Variants in PTPN4 observed in about 807,000 individuals in gnomAD.
The protein encoded by PTPN4 is protein tyrosine phosphatase non-receptor type 4, also known as tyrosine-protein phosphatase non-receptor type 4.
A neutral mutation model predicts 135.5 loss-of-function variants in PTPN4; 49 were observed. The observed-to-expected ratio is 0.36, with a 90% CI of 0.29 to 0.46. The LOEUF is 0.46. Among genes scored for constraint, PTPN4 ranks in the 20% least tolerant of loss-of-function variants. The pLI is 1.00. For synonymous variants in PTPN4, 333 were observed against 369.9 expected, an observed-to-expected ratio of 0.90 and a Z score of 1.14; for missense variants, 860 against 1,101.0, an observed-to-expected ratio of 0.78 and a Z score of 3.10.
At chr2:119,914,840 A>G (rs575413744) in intron 10 of PTPN4, among the ~76,000 whole-genome samples, 6 of 152,272 alleles carry the variant, frequency 3.9e-5, no homozygotes, top group Admixed American at 6.5e-5. Flanking sequence ...AAGTGTTTTT[A>G]GGGTTGTTGC....
intron 22 of PTPN4, among the ~76,000 whole-genome samples, chr2:119,957,952 G>GT (rs1195884362): frequency 6.6e-6 from 1 of 151,968 alleles, no homozygotes; most frequent in African/African-American, 2.4e-5. Context: ...TCAAGGGGAG[G>GT]TTTTTTAAGC....
chr2:119,820,290 G>C (rs1053551658), intron 2 of PTPN4, among the ~76,000 whole-genome samples: 4 of 152,194 alleles, frequency 2.6e-5, no homozygotes, highest in Admixed American at 2.6e-4. Context: ...ATGTCCATCT[G>C]TGATAGATGT....
chr2:119,877,645 C>T, intron 5 of PTPN4, 103 bp downstream of exon 5: 3 of 1,372,288 alleles, frequency 2.2e-6, no homozygotes, highest in Non-Finnish European at 2.9e-6. Context: ...TAATTCTGAG[C>T]TTTCCAGTCA....
chr2:119,980,392 A>G lies in PTPN4; in HGVS notation c.*3322A>G, dbSNP rs1036878134. 3 of 152,082 alleles carry G rather than the reference A, an allele frequency of 2.0e-5. No homozygotes were observed. The highest frequency in any genetic ancestry group is 4.4e-5 in the Non-Finnish European group (3 of 67,948). 9.4% of individuals were successfully genotyped at this position (152,082 alleles called of 1,614,324 possible). ...TTTAAGGAAAAGTCTCCTGTCTTCTATCTCCACTAGAAGTACTGCAGCTTG... is the reference window on the plus strand; with the variant it reads ...TTTAAGGAAAAGTCTCCTGTCTTCTGTCTCCACTAGAAGTACTGCAGCTTG... On this transcript the variant is annotated 3_prime_UTR_variant, in exon 27 of 27. Coordinates refer to ENST00000263708, the MANE Select transcript of PTPN4 (RefSeq NM_002830.4).
Position 119,877,372 on chromosome 2 carries a change from A to C in PTPN4, c.289+7A>C. On this transcript the variant is annotated splice_region_variant and intron_variant, in intron 4 of 26. Coordinates refer to ENST00000263708, the MANE Select transcript of PTPN4 (RefSeq NM_002830.4). The stretch of plus-strand genomic sequence containing the variant: ...ATAAGGAAGCAGCTAAAGAGTGAGC[A>C]TACATATTTACTTAATGTTTTGCAA... 2 of 1,612,112 alleles carry C rather than the reference A, an allele frequency of 1.2e-6. No individual in the cohort carries two copies. Among genetic ancestry groups the C allele is most frequent in the Non-Finnish European group, 1.7e-6 (2 of 1,179,372 alleles).
chr2:119,820,142 T>A (rs144774724), intron 2 of PTPN4, among the ~76,000 whole-genome samples: 1,819 of 152,332 alleles, frequency 0.012, 23 homozygotes, highest in Non-Finnish European at 0.02. Flanking sequence ...ATTATAGGCA[T>A]GAGCCGCGGT....
intron 12 of PTPN4, among the ~76,000 whole-genome samples, 184 bp from the exon 13 acceptor site, chr2:119,926,414 G>GT (rs1678825676): frequency 6.6e-6 from 1 of 152,176 alleles, no homozygotes; most frequent in Non-Finnish European, 1.5e-5. Flanking sequence ...TGGGAGAAAT[G>GT]TAACTAAGCT....
At chr2:119,857,763 A>C (rs749585480) in intron 2 of PTPN4, among the ~76,000 whole-genome samples, 1 of 152,106 alleles carries the variant, frequency 6.6e-6, no homozygotes, top group African/African-American at 2.4e-5. Context: ...TTCTGTTGAC[A>C]TAGAATTCTG....
intron 22 of PTPN4, 99 bp from the exon 23 acceptor site, chr2:119,960,708 A>G: frequency 1.8e-6 from 2 of 1,111,322 alleles, no homozygotes; most frequent in Non-Finnish European, 2.5e-6. Context: ...TATTGAGGTT[A>G]GTTGTATTCA....
At chr2:119,831,868 C>G (rs1238653580) in intron 2 of PTPN4, among the ~76,000 whole-genome samples, 2 of 152,178 alleles carry the variant, frequency 1.3e-5, no homozygotes, top group African/African-American at 4.8e-5. Flanking sequence ...CTGCAAGTAA[C>G]CTGTTGGCAT....
At chr2:119,769,927 C>G (rs980441755) in intron 1 of PTPN4, among the ~76,000 whole-genome samples, 1 of 152,122 alleles carries the variant, frequency 6.6e-6, no homozygotes, top group Non-Finnish European at 1.5e-5. Context: ...AAATTTGTAT[C>G]TTGTGTTTTT....
rs145430118 is a variant in PTPN4, at chr2:119,949,350, C to T, written c.1657-2623C>T. Among the ~76,000 whole-genome samples the T allele has an allele frequency of 5.9e-5, 9 of 152,126 alleles. No homozygotes were observed. In the East Asian group the frequency reaches 7.7e-4, roughly 13 times the overall value. ...AATTGGAAACCACAGTTTAGGCAATCGGGGGAAAAGGAAAAGGTTTCTGTT... is the reference window on the plus strand; with the variant it reads ...AATTGGAAACCACAGTTTAGGCAATTGGGGGAAAAGGAAAAGGTTTCTGTT... On this transcript the variant is annotated intron_variant, in intron 18 of 26. Coordinates refer to ENST00000263708, the MANE Select transcript of PTPN4 (RefSeq NM_002830.4).
chr2:119,956,209 C>T lies in PTPN4; in HGVS notation c.1981-635C>T, dbSNP rs1224087293. On this transcript the variant is annotated intron_variant, in intron 20 of 26. Transcript: ENST00000263708. ...AAATGTTTTATTCAGACTATATCAA[C>T]CTAATTTGTTTAAATTAATAAACCT... Among the ~76,000 whole-genome samples the T allele has an allele frequency of 1.0e-4, 15 of 149,406 alleles. No individual in the cohort carries two copies. In the South Asian group the frequency reaches 3.0e-3, roughly 30 times the overall value.
At chr2:119,960,240 G>T (rs1349875477) in intron 22 of PTPN4, among the ~76,000 whole-genome samples, 1 of 152,114 alleles carries the variant, frequency 6.6e-6, no homozygotes, top group East Asian at 1.9e-4. Context: ...ATCTCAAAAT[G>T]TAGTAGGATA....
At chr2:119,928,726 G>A (rs766105696) in intron 13 of PTPN4, among the ~76,000 whole-genome samples, 21 of 152,158 alleles carry the variant, frequency 1.4e-4, no homozygotes, top group East Asian at 3.9e-4. Context: ...TTGTAACAGC[G>A]TAGCAATATA....
intron 13 of PTPN4, among the ~76,000 whole-genome samples, chr2:119,928,230 T>A (rs552361773): frequency 1.3e-5 from 2 of 152,316 alleles, no homozygotes; most frequent in South Asian, 4.1e-4. Flanking sequence ...ACAGTTAAAT[T>A]CTTTGATTGT....
intron 1 of PTPN4, among the ~76,000 whole-genome samples, chr2:119,785,987 A>G (rs1157976822): frequency 1.3e-5 from 2 of 152,158 alleles, no homozygotes; most frequent in Non-Finnish European, 2.9e-5. Context: ...ATTTAGTGTA[A>G]TGGATTGCAA....
chr2:119,832,638 A>G (rs989981617), intron 2 of PTPN4, among the ~76,000 whole-genome samples: 3 of 151,900 alleles, frequency 2.0e-5, no homozygotes, highest in South Asian at 2.1e-4. Flanking sequence ...TTTCCCCCCT[A>G]TTTTTAAGGA....
chr2:119,885,910 T>C, intron 9 of PTPN4, 28 bp downstream of exon 9: 1 of 1,466,300 alleles, frequency 6.8e-7, no homozygotes, highest in Non-Finnish European at 9.3e-7. Flanking sequence ...ACTTTGATGT[T>C]GTTGAGTTAG....
Sources: allele counts gnomAD v4.1 joint callset (sites outside exome capture counted in the v4.1 genomes callset), GRCh38; gene constraint gnomAD v4.1.1; transcripts MANE v1.5; gene names NCBI Gene and HGNC (gene_info 2026-07-23, HGNC 2026-07-21).